The following NMNAT2 variants were observed in gnomAD, a reference collection of about 807,000 sequenced individuals.
NMNAT2 encodes nicotinamide nucleotide adenylyltransferase 2, also known as nicotinamide/nicotinic acid mononucleotide adenylyltransferase 2.
A neutral mutation model predicts 41.6 loss-of-function variants in NMNAT2; 11 were observed. The observed-to-expected ratio is 0.26, with a 90% CI of 0.17 to 0.44. The LOEUF is 0.44. Ranked by LOEUF, NMNAT2 falls within the 20% of genes least tolerant of loss-of-function variation. NMNAT2 has a pLI of 1.00. For synonymous variants in NMNAT2, 148 were observed against 151.2 expected (o/e 0.98, Z 0.16); for missense variants, 288 against 407.7 (o/e 0.71, Z 2.53).
At chr1:183,290,359 T>G in intron 3 of NMNAT2, among the ~76,000 whole-genome samples, 153 bp from the exon 4 acceptor site, 1 of 152,186 alleles carries the variant, frequency 6.6e-6, no homozygotes, top group Non-Finnish European at 1.5e-5. Context: ...TGTGAAACAC[T>G]CTTCTGAGCT....
chr1:183,389,892 AGGGAG>A (rs1648418842), intron 1 of NMNAT2, among the ~76,000 whole-genome samples: 1 of 72,834 alleles, frequency 1.4e-5, no homozygotes, highest in African/African-American at 4.5e-5. Flanking sequence ...GGAGGGAGGG[AGGGAG>A]GGAAGGAAGG....
At chr1:183,304,895 G>A (rs1661961046) in intron 1 of NMNAT2, 7 of 1,466,356 alleles carry the variant, frequency 4.8e-6, no homozygotes, top group South Asian at 4.0e-5. Flanking sequence ...CTTACAGCCA[G>A]GAAATGATTT....
At chr1:183,366,740 A>C (rs1189517393) in intron 1 of NMNAT2, among the ~76,000 whole-genome samples, 1 of 152,182 alleles carries the variant, frequency 6.6e-6, no homozygotes, top group East Asian at 1.9e-4. Context: ...GCATAGATGG[A>C]TCTTATGCTA....
chr1:183,288,558 G>A (rs927930976), intron 4 of NMNAT2, among the ~76,000 whole-genome samples: 3 of 152,196 alleles, frequency 2.0e-5, no homozygotes, highest in East Asian at 3.8e-4. Context: ...CAGGAAGCCC[G>A]GGCATTTAGA....
chr1:183,416,919 C>G (rs564705267), intron 1 of NMNAT2, among the ~76,000 whole-genome samples: 1 of 152,138 alleles, frequency 6.6e-6, no homozygotes, highest in Non-Finnish European at 1.5e-5. Context: ...AGCTCCGGCG[C>G]GCCCTGCATT....
intron 1 of NMNAT2, among the ~76,000 whole-genome samples, chr1:183,328,544 G>A (rs956393496): frequency 3.3e-5 from 5 of 152,208 alleles, no homozygotes; most frequent in Non-Finnish European, 2.9e-5. Flanking sequence ...AGCCCCATGA[G>A]TCAGCATGGT....
At chr1:183,370,139 C>G (rs1161337148) in intron 1 of NMNAT2, among the ~76,000 whole-genome samples, 5 of 151,298 alleles carry the variant, frequency 3.3e-5, no homozygotes, top group Non-Finnish European at 7.4e-5. Context: ...TGTCCAGGAC[C>G]CAAGGGGGAG....
At chr1:183,359,377 C>A (rs1663260194) in intron 1 of NMNAT2, among the ~76,000 whole-genome samples, 1 of 152,130 alleles carries the variant, frequency 6.6e-6, no homozygotes, top group Admixed American at 6.6e-5. Context: ...CCACTGCCCA[C>A]CCAAGAGATA....
At chr1:183,266,094 T>C (rs1198082856) in intron 8 of NMNAT2, among the ~76,000 whole-genome samples, 1 of 152,212 alleles carries the variant, frequency 6.6e-6, no homozygotes, top group Admixed American at 6.5e-5. Flanking sequence ...TCTCTGGAGT[T>C]GTTGGCCTTG....
In NMNAT2 at chr1:183,389,792, GAAAGAAAGAAAGA is replaced by G. The variant is rs1648394924; in HGVS notation, c.85+28378_85+28390del. Among the ~76,000 whole-genome samples, 2 of 63,896 alleles carry G rather than the reference GAAAGAAAGAAAGA, an allele frequency of 3.1e-5. 1 individual carries two copies. Among genetic ancestry groups the G allele is most frequent in the Non-Finnish European group, 6.5e-5 (2 of 30,618 alleles). The allele number at this position is 63,896 out of a possible 152,430, so 41.9% of individuals were successfully genotyped here. ...AGAAAGAAAGAAAGAAAGAAAGAAA[GAAAGAAAGAAAGA>G]AAGAAAGAAAGAAAGAAAGAAAGAA... On this transcript the variant is annotated intron_variant, in intron 1 of 10. Transcript: ENST00000287713.
intron 1 of NMNAT2, among the ~76,000 whole-genome samples, chr1:183,380,236 A>G (rs1657422032): frequency 6.6e-6 from 1 of 152,168 alleles, no homozygotes; most frequent in Non-Finnish European, 1.5e-5. Flanking sequence ...TAGTCCATGG[A>G]AACTTATGGC....
rs764946278 is a variant in NMNAT2 at position 183,330,152 on chromosome 1, T to C, written c.86-36359A>G. On this transcript the variant is annotated intron_variant, in intron 1 of 10. Coordinates refer to ENST00000287713, the MANE Select transcript of NMNAT2 (RefSeq NM_015039.4). ...GGACTCAGGCCAGCTACTTAGCGGC[T>C]TTATGCCTCAGTTGCCTCATCTGTA... Among the ~76,000 whole-genome samples, 30 of 152,358 alleles carry C rather than the reference T, an allele frequency of 2.0e-4. No individual in the cohort carries two copies. The Middle Eastern group carries it at 0.017, about 86-fold the overall frequency.
At chr1:183,281,259 A>G (rs1661260470) in intron 7 of NMNAT2, among the ~76,000 whole-genome samples, 1 of 152,128 alleles carries the variant, frequency 6.6e-6, no homozygotes, top group Non-Finnish European at 1.5e-5. Flanking sequence ...TGCAATTGCC[A>G]GGGGACATTG....
chr1:183,381,420 G>A (rs986262206), intron 1 of NMNAT2, among the ~76,000 whole-genome samples: 2 of 152,170 alleles, frequency 1.3e-5, no homozygotes, highest in Non-Finnish European at 2.9e-5. Context: ...ATAAGGCCAG[G>A]CACAGTGGCT....
At chr1:183,317,048 C>G (rs1571594178) in intron 1 of NMNAT2, among the ~76,000 whole-genome samples, 1 of 152,168 alleles carries the variant, frequency 6.6e-6, no homozygotes, top group South Asian at 2.1e-4. Flanking sequence ...TTAATAAGAG[C>G]CCCCAATGTC....
intron 2 of NMNAT2, 97 bp from the exon 3 acceptor site, chr1:183,292,954 A>G (rs1661582475): frequency 1.8e-6 from 2 of 1,111,986 alleles, no homozygotes; most frequent in African/African-American, 3.1e-5. Flanking sequence ...AAGTGCAGCC[A>G]TTTTTCAGTG....
chr1:183,354,662 C>T (rs1205531481), intron 1 of NMNAT2, among the ~76,000 whole-genome samples: 1 of 152,166 alleles, frequency 6.6e-6, no homozygotes, highest in Non-Finnish European at 1.5e-5. Context: ...AGTGATCCTT[C>T]CACCTCGGCC....
chr1:183,359,262 T>A (rs1663257840), intron 1 of NMNAT2, among the ~76,000 whole-genome samples: 1 of 152,186 alleles, frequency 6.6e-6, no homozygotes, highest in Non-Finnish European at 1.5e-5. Flanking sequence ...CAACAGATTA[T>A]GTTAGTAAAA....
chr1:183,319,974 G>A (rs909219277), intron 1 of NMNAT2, among the ~76,000 whole-genome samples: 9 of 152,210 alleles, frequency 5.9e-5, no homozygotes, highest in African/African-American at 9.7e-5. Context: ...TGCCCATGGC[G>A]GGGAATTCTG....
Sources: gnomAD v4.1 joint callset for allele counts (sites outside exome capture counted in the v4.1 genomes callset) on GRCh38, gnomAD v4.1.1 for gene constraint, MANE v1.5 for transcripts, NCBI Gene and HGNC (gene_info 2026-07-23, HGNC 2026-07-21) for gene names.